CLNK: variants seen among roughly 807,000 people sequenced by gnomAD.
The protein encoded by CLNK is cytokine-dependent hematopoietic cell linker.
Under a neutral mutation model 68.6 loss-of-function variants are expected in CLNK, and 74 were observed. The observed-to-expected ratio is 1.08, with a 90% confidence interval of 0.89 to 1.31. The LOEUF is 1.31. CLNK is among the 50% of genes most tolerant of loss of function. CLNK has a pLI of 0.00. For synonymous variants in CLNK, 198 were observed against 172.2 expected, an observed-to-expected ratio of 1.15 and a Z score of -1.17; for missense variants, 553 against 515.3, an observed-to-expected ratio of 1.07 and a Z score of -0.71.
the CLNK span, among the ~76,000 whole-genome samples, chr4:10,728,746 G>A: frequency 2.6e-5 from 4 of 151,504 alleles, no homozygotes; most frequent in East Asian, 1.9e-4. Context: ...CTGCCACCAC[G>A]CCTGGCTAAT....
At chr4:10,679,447 T>G (rs9742501) in intron 1 of CLNK, among the ~76,000 whole-genome samples, 1 of 152,160 alleles carries the variant, frequency 6.6e-6, no homozygotes, top group East Asian at 1.9e-4. Context: ...ATTCAGGACA[T>G]AGGCATGGGC....
chr4:10,686,372 C>T (rs933058396), upstream of CLNK, among the ~76,000 whole-genome samples: 8 of 151,900 alleles, frequency 5.3e-5, no homozygotes, highest in African/African-American at 1.7e-4. Context: ...TTAGCTGGGA[C>T]GTATTCGACC....
At chr4:10,732,004 T>TTGA in the CLNK span, among the ~76,000 whole-genome samples, 1 of 152,196 alleles carries the variant, frequency 6.6e-6, no homozygotes, top group African/African-American at 2.4e-5. Context: ...TTATGGCTGA[T>TTGA]TTCAAGCAAT....
chr4:10,703,954 C>T, the CLNK span, among the ~76,000 whole-genome samples: 1 of 152,032 alleles, frequency 6.6e-6, no homozygotes, highest in Non-Finnish European at 1.5e-5. Flanking sequence ...GAGCACCTGT[C>T]ACATAAACAC....
intron 8 of CLNK, among the ~76,000 whole-genome samples, chr4:10,556,610 T>C (rs543624582): frequency 6.6e-6 from 1 of 152,342 alleles, no homozygotes; most frequent in African/African-American, 2.4e-5. Flanking sequence ...CCAGGACTCA[T>C]TTCTTCATGA....
intron 4 of CLNK, among the ~76,000 whole-genome samples, chr4:10,577,589 T>A (rs957519641): frequency 1.3e-5 from 2 of 152,188 alleles, no homozygotes; most frequent in African/African-American, 4.8e-5. Flanking sequence ...TGTTACGCAC[T>A]TTTTATTTCT....
chr4:10,522,118 C>G (rs1225071205), intron 14 of CLNK, among the ~76,000 whole-genome samples: 1 of 151,768 alleles, frequency 6.6e-6, no homozygotes, highest in Non-Finnish European at 1.5e-5. Flanking sequence ...ATTAGCCGGG[C>G]ATGGTGGTGG....
the CLNK span, among the ~76,000 whole-genome samples, chr4:10,708,108 G>C: frequency 1.3e-5 from 2 of 152,170 alleles, no homozygotes; most frequent in Non-Finnish European, 2.9e-5. Flanking sequence ...ATGACAGGAG[G>C]AAGTGGCAGG....
At chr4:10,608,560 T>G (rs1202497395) in intron 2 of CLNK, among the ~76,000 whole-genome samples, 1 of 152,244 alleles carries the variant, frequency 6.6e-6, no homozygotes, top group Non-Finnish European at 1.5e-5. Flanking sequence ...CTTTTGCCTC[T>G]CCTTTTGCAT....
chr4:10,509,001 G>C (rs1717446011), intron 16 of CLNK, among the ~76,000 whole-genome samples: 1 of 151,554 alleles, frequency 6.6e-6, no homozygotes, highest in Non-Finnish European at 1.5e-5. Flanking sequence ...TAGCTACTTG[G>C]GAGGCTGAGG....
intron 2 of CLNK, among the ~76,000 whole-genome samples, chr4:10,611,058 G>A (rs749560968): frequency 1.3e-5 from 2 of 152,114 alleles, no homozygotes; most frequent in Non-Finnish European, 2.9e-5. Context: ...AGTGGCTCAC[G>A]CCTGTAATCC....
At chr4:10,646,514 G>T (rs1376294721) in intron 2 of CLNK, among the ~76,000 whole-genome samples, 1 of 152,198 alleles carries the variant, frequency 6.6e-6, no homozygotes, top group African/African-American at 2.4e-5. Context: ...ATGCGTCCAA[G>T]AAAATTCATT....
chr4:10,632,162 C>G (rs1007076537), intron 2 of CLNK, among the ~76,000 whole-genome samples: 5 of 152,210 alleles, frequency 3.3e-5, no homozygotes, highest in Non-Finnish European at 7.3e-5. Flanking sequence ...CAGTGAATGG[C>G]AACTTCTTTT....
chr4:10,548,196 A>C (rs1719310722), intron 8 of CLNK, among the ~76,000 whole-genome samples: 1 of 152,074 alleles, frequency 6.6e-6, no homozygotes, highest in African/African-American at 2.4e-5. Context: ...TAGTCATCCT[A>C]AGAGGTGTGA....
chr4:10,626,524 T>C (rs1274287449), intron 2 of CLNK, among the ~76,000 whole-genome samples: 1 of 152,138 alleles, frequency 6.6e-6, no homozygotes, highest in Non-Finnish European at 1.5e-5. Flanking sequence ...TTTATATTTA[T>C]AGAATATTTT....
the CLNK span, among the ~76,000 whole-genome samples, chr4:10,729,870 A>G: frequency 1.3e-5 from 2 of 152,252 alleles, no homozygotes; most frequent in East Asian, 3.8e-4. Flanking sequence ...CAAATATGAA[A>G]GATCACAAAA....
At chr4:10,587,373 G>A (rs1219803334) in intron 3 of CLNK, among the ~76,000 whole-genome samples, 1 of 152,210 alleles carries the variant, frequency 6.6e-6, no homozygotes. Flanking sequence ...AAGCCCCGAG[G>A]CAGTGGAAGG....
At position 10,530,201 on chromosome 4, in the gene CLNK, G is replaced by A. The variant is rs549737669; in HGVS notation, c.630+2055C>T. On this transcript the variant is annotated intron_variant, in intron 12 of 18. Coordinates refer to ENST00000226951, the MANE Select transcript of CLNK (RefSeq NM_052964.4). The stretch of plus-strand genomic sequence containing the variant: ...CAGGACTGGCCCTATCTCCTGCTGG[G>A]TGTGAGGACTCTGGCCAAGTTTGCC... 3.7e-4 allele frequency among the ~76,000 whole-genome samples: 56 copies of A among 152,246 alleles called. No individual in the cohort carries two copies. In the South Asian group the frequency reaches 0.011, roughly 31 times the overall value.
chr4:10,601,398 A>G (rs1721587083), intron 2 of CLNK, among the ~76,000 whole-genome samples: 1 of 152,334 alleles, frequency 6.6e-6, no homozygotes, highest in South Asian at 2.1e-4. Flanking sequence ...ATAAAGAGCC[A>G]TCTACCTAGA....
Sources: allele counts gnomAD v4.1 joint callset (sites outside exome capture counted in the v4.1 genomes callset), GRCh38; gene constraint gnomAD v4.1.1; transcripts MANE v1.5; gene names NCBI Gene and HGNC (gene_info 2026-07-23, HGNC 2026-07-21).